SAP30L: variants seen among roughly 807,000 people sequenced by gnomAD.
SAP30L encodes the protein SAP30 like.
SAP30L carries 10 observed loss-of-function variants against 22.3 expected under a neutral mutation model. That is an observed-to-expected ratio of 0.45 (90% confidence interval 0.28 to 0.76). SAP30L has a LOEUF of 0.76. Ranked by LOEUF, SAP30L falls within the 30% of genes least tolerant of loss-of-function variation. The pLI, the probability that SAP30L is intolerant of heterozygous loss-of-function variation, is 0.14. For missense variants in SAP30L, 206 were observed against 237.9 expected (o/e 0.87, Z 0.88); for synonymous variants, 91 against 94.1 (o/e 0.97, Z 0.19).
Position 154,456,164 on chromosome 5 carries a change from G to A in SAP30L, c.*136G>A. ...AATGATGAATACTGTAAATCTTTTT[G>A]GTCAGGAGGATTATATTCTCATGAT... On this transcript the variant is annotated 3_prime_UTR_variant, in exon 4 of 4. Coordinates refer to ENST00000297109, the MANE Select transcript of SAP30L (RefSeq NM_024632.6). The A allele has an allele frequency of 1.2e-6, 1 of 864,432 alleles. No homozygotes were observed. Among genetic ancestry groups the A allele is most frequent in the Non-Finnish European group, 1.7e-6 (1 of 600,872 alleles). The allele number at this position is 864,432 out of a possible 1,614,324, so 53.5% of individuals were successfully genotyped here. A position where few individuals can be genotyped will look rare whatever the true frequency, so the allele number is the denominator to read the frequency against.
rs1250056799 is a variant in SAP30L, at chr5:154,458,470, C to G, written c.*2442C>G. 1 of 152,314 alleles carries G rather than the reference C, an allele frequency of 6.6e-6. No homozygotes were observed. The highest frequency in any genetic ancestry group is 2.4e-5 in the African/African-American group (1 of 41,468). The allele number at this position is 152,314 out of a possible 1,614,324, so 9.4% of individuals were successfully genotyped here. A position where few individuals can be genotyped will look rare whatever the true frequency, so the allele number is the denominator to read the frequency against. On this transcript the variant is annotated 3_prime_UTR_variant, in exon 4 of 4. Transcript: ENST00000297109. ...GCCAGGCCCTCCAGAGCAACGGGGT[C>G]TGGCTTCAGGGAGCAGTGGGGTGTG...
chr5:154,450,553 TC>T (rs2113271747), intron 1 of SAP30L, among the ~76,000 whole-genome samples: 1 of 152,268 alleles, frequency 6.6e-6, no homozygotes, highest in African/African-American at 2.4e-5. Flanking sequence ...TCACATCACT[TC>T]CTGCTTCCTT....
rs773981673 is a variant in SAP30L at position 154,453,522 on chromosome 5, C to G, written c.423+22C>G. The G allele has an allele frequency of 6.8e-6, 10 of 1,476,656 alleles. No individual in the cohort carries two copies. In the South Asian group the frequency reaches 1.1e-4, roughly 17 times the overall value. 91.5% of individuals were successfully genotyped at this position (1,476,656 alleles called of 1,614,324 possible). ...AGAAGTAGGTAGACAAAATTGCCCT[C>G]TAAAGAGAGCCAGCATTGTGCTGCT... is the stretch of plus-strand genomic sequence containing the variant. On this transcript the variant is annotated intron_variant, in intron 3 of 3. Transcript: ENST00000297109.
chr5:154,450,109 A>G (rs1757108112), intron 1 of SAP30L, among the ~76,000 whole-genome samples: 1 of 152,222 alleles, frequency 6.6e-6, no homozygotes, highest in Non-Finnish European at 1.5e-5. Context: ...CTGTTTCAGT[A>G]TCAACAACCC....
chr5:154,447,991 T>TTTTTTTTTTTTTTTTA (rs1757060661), intron 1 of SAP30L, among the ~76,000 whole-genome samples: 1 of 136,636 alleles, frequency 7.3e-6, no homozygotes, highest in Non-Finnish European at 1.6e-5. Context: ...TTTTTTTTTT[T>TTTTTTTTTTTTTTTTA]TTGAGACGGA....
chr5:154,452,245 C>G (rs1005526532), intron 2 of SAP30L, among the ~76,000 whole-genome samples: 11 of 152,088 alleles, frequency 7.2e-5, no homozygotes, highest in African/African-American at 2.2e-4. Flanking sequence ...CTGGCCCTTT[C>G]CCTCTGCCCC....
In SAP30L at chr5:154,457,589, A is replaced by G. The variant is rs1757290295; in HGVS notation, c.*1561A>G. ...TCTCAGTTCTGTGGAGCAGAGTACC[A>G]CGCTTTCTGTGGAATGGGGACAGGG... On this transcript the variant is annotated 3_prime_UTR_variant, in exon 4 of 4. Coordinates refer to ENST00000297109, the MANE Select transcript of SAP30L (RefSeq NM_024632.6). The G allele has an allele frequency of 6.6e-6, 1 of 152,250 alleles. No homozygotes were observed. Among genetic ancestry groups the G allele is most frequent in the Non-Finnish European group, 1.5e-5 (1 of 68,054 alleles). The allele number at this position is 152,250 out of a possible 1,614,324, so 9.4% of individuals were successfully genotyped here.
intron 2 of SAP30L, chr5:154,452,940 A>C (rs374943179): frequency 6.5e-6 from 1 of 154,402 alleles, no homozygotes; most frequent in African/African-American, 2.4e-5. Flanking sequence ...AGTCTTCCCA[A>C]CAACCACCAC....
rs1757347790 is a variant in SAP30L at position 154,460,298 on chromosome 5, A to G, written c.*4270A>G. ...CAAAAGCCCTATTGGGAGAGGTAGT[A>G]TTGTCCTAGCATTTAAATTCTCATG... On this transcript the variant is annotated 3_prime_UTR_variant, in exon 4 of 4. Transcript: ENST00000297109. The G allele has an allele frequency of 6.6e-6, 1 of 152,228 alleles. No individual in the cohort carries two copies. The highest frequency in any genetic ancestry group is 1.5e-5 in the Non-Finnish European group (1 of 68,042). 9.4% of individuals were successfully genotyped at this position (152,228 alleles called of 1,614,324 possible). A position where few individuals can be genotyped will look rare whatever the true frequency, so the allele number is the denominator to read the frequency against.
chr5:154,455,774 G>A (rs994358526), intron 3 of SAP30L, 126 bp from the exon 4 acceptor site: 8 of 1,219,812 alleles, frequency 6.6e-6, no homozygotes, highest in Non-Finnish European at 9.0e-6. Flanking sequence ...ATGGCAGGAA[G>A]TTCTTCAGCA....
At chr5:154,454,921 A>T (rs1242175399) in intron 3 of SAP30L, among the ~76,000 whole-genome samples, 3 of 145,372 alleles carry the variant, frequency 2.1e-5, no homozygotes, top group Admixed American at 6.9e-5. Flanking sequence ...ATTTAACACA[A>T]TTTTTTTTTT....
intron 2 of SAP30L, 114 bp downstream of exon 2, chr5:154,451,327 G>T: frequency 8.4e-7 from 1 of 1,196,864 alleles, no homozygotes; most frequent in East Asian, 2.4e-5. Context: ...CTTTTGTTTT[G>T]CTGTGGATTA....
intron 1 of SAP30L, among the ~76,000 whole-genome samples, chr5:154,447,483 T>C (rs1431711411): frequency 6.6e-6 from 1 of 152,240 alleles, no homozygotes; most frequent in African/African-American, 2.4e-5. Context: ...TCTTTGTGGC[T>C]TATTATAGGA....
chr5:154,446,032 G>GC lies in SAP30L; in HGVS notation c.-570dup, dbSNP rs1441720459. 5 of 152,436 alleles carry GC rather than the reference G, an allele frequency of 3.3e-5. No individual in the cohort carries two copies. The highest frequency in any genetic ancestry group is 5.8e-5 in the Non-Finnish European group (4 of 68,440). The allele number at this position is 152,436 out of a possible 1,614,324, so 9.4% of individuals were successfully genotyped here. ...GCGTTCGGCGGGCGGCGGCCGGGCG[G>GC]CCCAGGGGCTGCCGCGGGACTCGGG... On this transcript the variant is annotated 5_prime_UTR_variant, in exon 1 of 4. Coordinates refer to ENST00000297109, the MANE Select transcript of SAP30L (RefSeq NM_024632.6).
At chr5:154,452,769 G>T (rs1757174497) in intron 2 of SAP30L, among the ~76,000 whole-genome samples, 1 of 150,182 alleles carries the variant, frequency 6.7e-6, no homozygotes, top group African/African-American at 2.4e-5. Flanking sequence ...CCTCTATCCG[G>T]TCGCTGCCTC....
In SAP30L at chr5:154,446,771, C is replaced by A. The variant is rs1285232555; in HGVS notation, c.167C>A (p.Ser56Ter). Residue 56 changes from serine (S) to a stop codon, truncating the protein, a stop_gained, in exon 1 of 4, where the codon TCG becomes TAG. Transcript: ENST00000297109. LOFTEE classifies it high-confidence loss of function. ...AGCAAGAGGGTCCAGAAGAGCATCT[C>A]GCAGAAGAAACTCAAGCTGGACATC... The part of the protein sequence containing the change: ...SFSKRVQKSI[S>*]QKKLKLDIDK... 1 of 1,604,754 alleles carries A rather than the reference C, an allele frequency of 6.2e-7. No individual in the cohort carries two copies. The highest frequency in any genetic ancestry group is 1.1e-5 in the South Asian group (1 of 90,138).
Position 154,456,445 on chromosome 5 carries a change from C to T in SAP30L, c.*417C>T. On this transcript the variant is annotated 3_prime_UTR_variant, in exon 4 of 4. Coordinates refer to ENST00000297109, the MANE Select transcript of SAP30L (RefSeq NM_024632.6). Reference sequence around the variant, plus strand: ...GCAGACCCACATCTGGACTTGCATGCTGCCCGCTGGCGACATAGATATCCC... The same window carrying T: ...GCAGACCCACATCTGGACTTGCATGTTGCCCGCTGGCGACATAGATATCCC... 1 of 163,062 alleles carries T rather than the reference C, an allele frequency of 6.1e-6. No homozygotes were observed. The highest frequency in any genetic ancestry group is 1.3e-5 in the Non-Finnish European group (1 of 74,138). 10.1% of individuals were successfully genotyped at this position (163,062 alleles called of 1,614,324 possible).
At position 154,446,741 on chromosome 5, in the gene SAP30L, C is replaced by T; in HGVS notation, c.137C>T (p.Ser46Phe). The T allele has an allele frequency of 6.2e-7, 1 of 1,607,980 alleles. No individual in the cohort carries two copies. The change falls in exon 1 of 4, where the codon TCC (serine) becomes TTC (phenylalanine). Residue 46 changes from serine to phenylalanine, a missense_variant. Physicochemically the swap from Ser to Phe is radical, Grantham distance 155 (BLOSUM62 -2). Transcript: ENST00000297109. ...ERCVRPAGNA[S>F]FSKRVQKSIS... ...TGCGTCCGGCCCGCGGGCAACGCCTCCTTCAGCAAGAGGGTCCAGAAGAGC... is the reference window on the plus strand; with the variant it reads ...TGCGTCCGGCCCGCGGGCAACGCCTTCTTCAGCAAGAGGGTCCAGAAGAGC...
intron 2 of SAP30L, chr5:154,452,515 C>T: frequency 2.0e-6 from 2 of 980,546 alleles, no homozygotes; most frequent in Non-Finnish European, 2.4e-6. Flanking sequence ...GGCAGCCCAA[C>T]TTTATGGGCC....
Sources: gnomAD v4.1 joint callset for allele counts (sites outside exome capture counted in the v4.1 genomes callset) on GRCh38, gnomAD v4.1.1 for gene constraint, MANE v1.5 for transcripts, NCBI Gene and HGNC (gene_info 2026-07-23, HGNC 2026-07-21) for gene names.